The following VPS50 variants were observed in gnomAD, a reference collection of about 807,000 sequenced individuals.
VPS50 encodes syndetin.
VPS50 carries 70 observed loss-of-function variants against 139.7 expected under a neutral mutation model. The observed-to-expected ratio is 0.50, with a 90% CI of 0.41 to 0.61. VPS50 has a LOEUF of 0.61. Among genes scored for constraint, VPS50 ranks in the 20% least tolerant of loss-of-function variants. The probability of loss-of-function intolerance (pLI) is 0.00; values close to 1 mark genes in which losing one functional copy is unlikely to be tolerated. For synonymous variants in VPS50, 365 were observed against 376.7 expected (o/e 0.97, Z 0.36); for missense variants, 921 against 1,133.7 (o/e 0.81, Z 2.69).
chr7:93,353,503 C>G (rs559216246), intron 25 of VPS50, 137 bp from the exon 26 acceptor site: 5 of 925,230 alleles, frequency 5.4e-6, no homozygotes, highest in African/African-American at 1.7e-5. Flanking sequence ...TCCAAATTAT[C>G]TTTGGCATTA....
chr7:93,284,383 T>A (rs1048807016), intron 12 of VPS50, among the ~76,000 whole-genome samples: 3 of 152,252 alleles, frequency 2.0e-5, no homozygotes, highest in African/African-American at 7.2e-5. Context: ...CATACTTTGC[T>A]TGTTTTCTAA....
At chr7:93,330,058 A>T (rs1797889517) in intron 21 of VPS50, among the ~76,000 whole-genome samples, 3 of 152,174 alleles carry the variant, frequency 2.0e-5, no homozygotes, top group African/African-American at 7.2e-5. Context: ...TTAACACTGA[A>T]ATCATAGCAT....
At chr7:93,353,227 A>G (rs1293353204) in intron 25 of VPS50, among the ~76,000 whole-genome samples, 1 of 152,196 alleles carries the variant, frequency 6.6e-6, no homozygotes, top group Non-Finnish European at 1.5e-5. Flanking sequence ...ATAGATACAA[A>G]TCACAAATAG....
chr7:93,306,951 T>C (rs548083457), intron 18 of VPS50, among the ~76,000 whole-genome samples: 1 of 151,914 alleles, frequency 6.6e-6, no homozygotes, highest in Non-Finnish European at 1.5e-5. Flanking sequence ...GATTCAGTGA[T>C]TCTTTGTGAC....
chr7:93,238,425 C>A (rs1794883419), intron 1 of VPS50, among the ~76,000 whole-genome samples: 1 of 151,990 alleles, frequency 6.6e-6, no homozygotes, highest in Admixed American at 6.6e-5. Context: ...ATAATTTACT[C>A]ATTTCTTTGT....
intron 13 of VPS50, 46 bp from the exon 14 acceptor site, chr7:93,294,499 A>C (rs1181778472): frequency 3.4e-6 from 5 of 1,450,594 alleles, no homozygotes; most frequent in Non-Finnish European, 4.6e-6. Context: ...GAAAACAAAC[A>C]CAAATTGGAT....
chr7:93,274,478 A>G (rs565716698), intron 11 of VPS50, among the ~76,000 whole-genome samples: 1 of 152,256 alleles, frequency 6.6e-6, no homozygotes, highest in African/African-American at 2.4e-5. Context: ...CCTGGATGAT[A>G]GCACATCGAT....
At chr7:93,260,463 T>C (rs867564289) in intron 9 of VPS50, among the ~76,000 whole-genome samples, 1 of 152,296 alleles carries the variant, frequency 6.6e-6, no homozygotes, top group Middle Eastern at 3.4e-3. Context: ...CTCACTGTTG[T>C]TGTAGATGTT....
At chr7:93,300,295 A>G (rs1796940763) in intron 16 of VPS50, among the ~76,000 whole-genome samples, 1 of 152,158 alleles carries the variant, frequency 6.6e-6, no homozygotes, top group Non-Finnish European at 1.5e-5. Flanking sequence ...AACAATACCA[A>G]TACAACTCTT....
chr7:93,356,965 GT>G, intron 27 of VPS50, among the ~76,000 whole-genome samples: 1 of 152,146 alleles, frequency 6.6e-6, no homozygotes, highest in East Asian at 1.9e-4. Context: ...TTGTGTGAAT[GT>G]CCCCACTCTT....
In VPS50 at chr7:93,259,552, G is replaced by A. The variant is rs1415020352; in HGVS notation, c.579G>A (p.Glu193=). The change falls in exon 9 of 28, where the codon GAG becomes GAA. Residue 193 remains glutamate (E), a splice_region_variant and synonymous_variant. Transcript: ENST00000305866. ...TDVRLSEMLE[E]EDYPGAIQLC... is the part of the protein sequence containing the mutation. ...ACTCCTGTTGTTGTTACCTTAAGGA[G>A]GAAGATTATCCAGGAGCTATTCAGT... 2 of 1,553,110 alleles carry A rather than the reference G, an allele frequency of 1.3e-6. No individual in the cohort carries two copies. Among genetic ancestry groups the A allele is most frequent in the African/African-American group, 1.4e-5 (1 of 73,652 alleles).
intron 2 of VPS50, among the ~76,000 whole-genome samples, chr7:93,243,502 T>C (rs953019540): frequency 6.6e-6 from 1 of 151,998 alleles, no homozygotes; most frequent in African/African-American, 2.4e-5. Context: ...AAAAATTGTT[T>C]GGAAGTTTTA....
chr7:93,356,318 C>T (rs1798705590), intron 27 of VPS50: 1 of 249,228 alleles, frequency 4.0e-6, no homozygotes, highest in African/African-American at 2.2e-5. Flanking sequence ...CTGTAATGAT[C>T]TAGAAATACA....
chr7:93,332,586 G>A (rs934639967), intron 21 of VPS50, among the ~76,000 whole-genome samples: 2 of 152,136 alleles, frequency 1.3e-5, no homozygotes, highest in African/African-American at 4.8e-5. Flanking sequence ...AACATATTTA[G>A]TATATGAATT....
At chr7:93,251,495 C>T (rs953158509) in intron 2 of VPS50, among the ~76,000 whole-genome samples, 3 of 136,638 alleles carry the variant, frequency 2.2e-5, no homozygotes, top group East Asian at 4.5e-4. Flanking sequence ...TAGAGGGGAA[C>T]GTCACACACT....
chr7:93,242,574 A>G (rs1255027762), intron 2 of VPS50, among the ~76,000 whole-genome samples: 2 of 151,916 alleles, frequency 1.3e-5, no homozygotes, highest in Non-Finnish European at 2.9e-5. Context: ...GTACTCTTTG[A>G]ACTTAACAAT....
At chr7:93,270,394 T>C (rs188659144) in intron 9 of VPS50, among the ~76,000 whole-genome samples, 312 of 152,174 alleles carry the variant, frequency 2.1e-3, no homozygotes, top group Middle Eastern at 3.4e-3. Context: ...AAGCATACAG[T>C]ATATACTATT....
intron 19 of VPS50, among the ~76,000 whole-genome samples, chr7:93,310,524 A>C (rs573168105): frequency 6.6e-6 from 1 of 151,236 alleles, no homozygotes; most frequent in South Asian, 2.1e-4. Flanking sequence ...GCTTTTAGTG[A>C]CTCACCACTG....
rs1174015321 is a variant in VPS50, at chr7:93,261,698, A to G, written c.659+2066A>G. Reference sequence around the variant, plus strand: ...GTCTCAAAAAAAAAAAAAAAAAAAAAAGAAATTAGGCTGTAGAGAGAAGGA... The same window carrying G: ...GTCTCAAAAAAAAAAAAAAAAAAAAGAGAAATTAGGCTGTAGAGAGAAGGA... On this transcript the variant is annotated intron_variant, in intron 9 of 27. Coordinates refer to ENST00000305866, the MANE Select transcript of VPS50 (RefSeq NM_017667.4). Among the ~76,000 whole-genome samples the G allele has an allele frequency of 4.6e-5, 7 of 151,260 alleles. No homozygotes were observed. The South Asian group carries it at 1.2e-3, about 27-fold the overall frequency.
Sources: gnomAD v4.1 joint callset for allele counts (sites outside exome capture counted in the v4.1 genomes callset) on GRCh38, gnomAD v4.1.1 for gene constraint, MANE v1.5 for transcripts, NCBI Gene and HGNC (gene_info 2026-07-23, HGNC 2026-07-21) for gene names.